SASS6: variants seen among roughly 807,000 people sequenced by gnomAD.
The protein encoded by SASS6 is spindle assembly abnormal protein 6 homolog.
In SASS6, 59 loss-of-function variants were observed where a neutral mutation model predicts 94.9. That is an observed-to-expected ratio of 0.62 (90% confidence interval 0.50 to 0.77). The LOEUF is 0.77. Ranked by LOEUF, SASS6 falls within the 30% of genes least tolerant of loss-of-function variation. The probability of loss-of-function intolerance (pLI) is 0.00; values close to 1 mark genes in which losing one functional copy is unlikely to be tolerated. For missense variants in SASS6, 698 were observed against 734.1 expected (o/e 0.95, Z 0.57); for synonymous variants, 264 against 270.0 (o/e 0.98, Z 0.22).
chr1:100,107,261 C>A, intron 11 of SASS6, 113 bp downstream of exon 11: 1 of 691,668 alleles, frequency 1.4e-6, no homozygotes. Flanking sequence ...TAGTCATGTT[C>A]TTTTGTTAAA....
chr1:100,122,514 T>A (rs575915494), intron 3 of SASS6, 30 bp from the exon 4 acceptor site: 118 of 936,234 alleles, frequency 1.3e-4, no homozygotes, highest in South Asian at 7.5e-4. Flanking sequence ...AGAAATTTTT[T>A]AAAAATTTTA....
At position 100,128,847 on chromosome 1, in the gene SASS6, G is replaced by A. The variant is rs547498504; in HGVS notation, c.66-2905C>T. On this transcript the variant is annotated intron_variant, in intron 1 of 16. Transcript: ENST00000287482. ...CACAACTGGATTCTAGGCCATCTCT[G>A]ACACCCAGTAGCTGTGCTCTTAAAC... Among the ~76,000 whole-genome samples the A allele has an allele frequency of 3.9e-4, 60 of 152,268 alleles. No individual in the cohort carries two copies. The South Asian group carries it at 4.6e-3, about 12-fold the overall frequency.
At chr1:100,093,476 T>C (rs1051413429) in intron 14 of SASS6, among the ~76,000 whole-genome samples, 3 of 152,100 alleles carry the variant, frequency 2.0e-5, no homozygotes, top group Non-Finnish European at 4.4e-5. Flanking sequence ...TTGAAAAGAA[T>C]AGGGCTGGGC....
intron 14 of SASS6, among the ~76,000 whole-genome samples, chr1:100,097,367 C>A (rs1447415250): frequency 1.3e-5 from 2 of 152,204 alleles, no homozygotes; most frequent in Non-Finnish European, 2.9e-5. Flanking sequence ...GCAGCTTAAT[C>A]TGTAACATCC....
In SASS6 at chr1:100,121,378, C is replaced by A. The variant is rs773777442; in HGVS notation, c.483G>T (p.Lys161Asn). 69 of 1,541,128 alleles carry A rather than the reference C, an allele frequency of 4.5e-5. No homozygotes were observed. Among genetic ancestry groups the A allele is most frequent in the Non-Finnish European group, 5.9e-5 (68 of 1,143,174 alleles). ...AGAATAACTTAAATTTAAATCTTACCTTGCTACATTTCAAACAGCCTGCGA... is the reference window on the plus strand; with the variant it reads ...AGAATAACTTAAATTTAAATCTTACATTGCTACATTTCAAACAGCCTGCGA... The part of the protein sequence containing the change: ...KFLAGCLKCS[K>N]EEKLSLMQSL... Residue 161 changes from lysine to asparagine, a missense_variant and splice_region_variant, in exon 5 of 17, where the codon AAG becomes AAT. Lys to Asn is a moderately conservative substitution (Grantham distance 94, BLOSUM62 0). Coordinates refer to ENST00000287482, the MANE Select transcript of SASS6 (RefSeq NM_194292.3).
intron 1 of SASS6, among the ~76,000 whole-genome samples, chr1:100,127,321 T>TA (rs1443764669): frequency 2.0e-5 from 3 of 152,246 alleles, no homozygotes; most frequent in Non-Finnish European, 4.4e-5. Context: ...CACTATTGCT[T>TA]ATCTACTACA....
rs560487842 is a variant in SASS6 at position 100,094,159 on chromosome 1, T to C, written c.1675-5923A>G. 1.1e-4 allele frequency among the ~76,000 whole-genome samples: 17 copies of C among 152,260 alleles called. No individual in the cohort carries two copies. In the South Asian group the frequency reaches 3.3e-3, roughly 30 times the overall value. The stretch of plus-strand genomic sequence containing the variant: ...CAGCAGAGTCTATAGACATTAAAAA[T>C]AATGGAATACTAAAAACAACTCTTC... On this transcript the variant is annotated intron_variant, in intron 14 of 16. Transcript: ENST00000287482.
chr1:100,122,615 C>CA (rs1193745204), intron 3 of SASS6, 131 bp from the exon 4 acceptor site: 1 of 381,186 alleles, frequency 2.6e-6, no homozygotes. Flanking sequence ...TGCAGTGGTG[C>CA]AATCTTGGCT....
intron 14 of SASS6, 24 bp downstream of exon 14, chr1:100,102,931 A>C: frequency 6.3e-7 from 1 of 1,583,466 alleles, no homozygotes; most frequent in Non-Finnish European, 8.6e-7. Context: ...TTTTCCCAGA[A>C]CAAGTATTAG....
intron 13 of SASS6, among the ~76,000 whole-genome samples, chr1:100,104,930 G>T (rs1227026566): frequency 1.3e-5 from 2 of 152,060 alleles, no homozygotes; most frequent in African/African-American, 4.8e-5. Context: ...TCCAGCCTCG[G>T]CAACAGAGTG....
At chr1:100,105,239 G>A (rs1265989367) in intron 13 of SASS6, among the ~76,000 whole-genome samples, 2 of 152,088 alleles carry the variant, frequency 1.3e-5, no homozygotes, top group African/African-American at 2.4e-5. Flanking sequence ...ATAAAGAAGT[G>A]TGCTCTTGGC....
chr1:100,106,892 T>A lies in SASS6; in HGVS notation c.1408+20A>T. 9.9e-7 allele frequency: 1 copy of A among 1,014,782 alleles called. No homozygotes were observed. Among genetic ancestry groups the A allele is most frequent in the East Asian group, 2.4e-5 (1 of 41,778 alleles). The allele number at this position is 1,014,782 out of a possible 1,614,324, so 62.9% of individuals were successfully genotyped here. A position where few individuals can be genotyped will look rare whatever the true frequency, so the allele number is the denominator to read the frequency against. ...AATAAAACTACAAACCTCATTTACA[T>A]TAACACGTAACATACTTACACTTTT... On this transcript the variant is annotated intron_variant, in intron 12 of 16. Transcript: ENST00000287482.
At chr1:100,127,624 CTG>C (rs1654711910) in intron 1 of SASS6, among the ~76,000 whole-genome samples, 2 of 152,338 alleles carry the variant, frequency 1.3e-5, no homozygotes, top group African/African-American at 4.8e-5. Context: ...AGAGAATACA[CTG>C]TTGCTATTTT....
chr1:100,126,340 T>A (rs1654619496), intron 1 of SASS6, among the ~76,000 whole-genome samples: 1 of 152,182 alleles, frequency 6.6e-6, no homozygotes, highest in African/African-American at 2.4e-5. Context: ...TTAAATGAGG[T>A]AAGAACCTCA....
intron 7 of SASS6, among the ~76,000 whole-genome samples, chr1:100,115,115 G>A (rs188051101): frequency 6.6e-6 from 1 of 152,174 alleles, no homozygotes; most frequent in East Asian, 1.9e-4. Flanking sequence ...ACTAATCATA[G>A]GAAGAGAAAA....
rs72971872 is a variant in SASS6, at chr1:100,120,115, C to T, written c.549+279G>A. Among the ~76,000 whole-genome samples, 6,292 of 152,138 alleles carry T rather than the reference C, an allele frequency of 0.041. 323 individuals are homozygous for T. The highest frequency in any genetic ancestry group is 0.12 in the African/African-American group (4,799 of 41,486). On this transcript the variant is annotated intron_variant, in intron 6 of 16. Coordinates refer to ENST00000287482, the MANE Select transcript of SASS6 (RefSeq NM_194292.3). The stretch of plus-strand genomic sequence containing the variant: ...AGGCGAACAAGTGGGGAGTGGAGAA[C>T]TAATATATGACAGAAACATACATAT...
chr1:100,115,754 A>G (rs1222245879), intron 7 of SASS6, among the ~76,000 whole-genome samples: 1 of 152,156 alleles, frequency 6.6e-6, no homozygotes, highest in Non-Finnish European at 1.5e-5. Context: ...CTGGAGGTTG[A>G]GGCTGTAGTG....
In SASS6 at chr1:100,085,358, G is replaced by C; in HGVS notation, c.1944C>G (p.Ala648=). Residue 648 remains alanine (A), a synonymous_variant, in exon 17 of 17, where the codon GCC becomes GCG. Coordinates refer to ENST00000287482, the MANE Select transcript of SASS6 (RefSeq NM_194292.3). ...KPTALPSASS[A]YFPGQLPNS ...TGTTTGGTAACTGCCCAGGGAAATA[G>C]GCTGAAGACGCAGAGGGGAGCGCTG... The C allele has an allele frequency of 1.2e-6, 2 of 1,612,718 alleles. No individual in the cohort carries two copies. The highest frequency in any genetic ancestry group is 3.3e-5 in the Admixed American group (2 of 60,010).
intron 8 of SASS6, among the ~76,000 whole-genome samples, chr1:100,108,213 A>T (rs1186393833): frequency 1.3e-5 from 2 of 152,066 alleles, no homozygotes; most frequent in Non-Finnish European, 2.9e-5. Context: ...CTACTATCTG[A>T]TTCAATCATA....
Sources: allele counts gnomAD v4.1 joint callset (sites outside exome capture counted in the v4.1 genomes callset), GRCh38; gene constraint gnomAD v4.1.1; transcripts MANE v1.5; gene names NCBI Gene and HGNC (gene_info 2026-07-23, HGNC 2026-07-21).